Variants in GTF2IRD1 observed in about 807,000 individuals in gnomAD.
The protein encoded by GTF2IRD1 is general transcription factor II-I repeat domain-containing protein 1.
Under a neutral mutation model 113.2 loss-of-function variants are expected in GTF2IRD1, and 26 were observed. The ratio of observed to expected loss-of-function variants is 0.23; its 90% CI spans 0.17 to 0.32. The LOEUF (loss-of-function observed/expected upper bound fraction) is 0.32, where lower values mean the gene tolerates loss of function less well. Among genes scored for constraint, GTF2IRD1 ranks in the 10% least tolerant of loss-of-function variants. The probability of loss-of-function intolerance (pLI) is 1.00; values close to 1 mark genes in which losing one functional copy is unlikely to be tolerated. For missense variants in GTF2IRD1, 864 were observed against 1,280.8 expected, an observed-to-expected ratio of 0.67 and a Z score of 4.97; for synonymous variants, 484 against 529.1, an observed-to-expected ratio of 0.91 and a Z score of 1.17.
At chr7:74,527,442 A>T (rs918088251) in intron 8 of GTF2IRD1, among the ~76,000 whole-genome samples, 1 of 152,248 alleles carries the variant, frequency 6.6e-6, no homozygotes, top group South Asian at 2.1e-4. Flanking sequence ...GTGAGCAATG[A>T]TTATGCCACT....
chr7:74,550,562 G>A (rs1167717992), intron 17 of GTF2IRD1, among the ~76,000 whole-genome samples: 2 of 151,846 alleles, frequency 1.3e-5, no homozygotes, highest in African/African-American at 4.8e-5. Context: ...ACTCTAGCCT[G>A]GGTGACAGAG....
chr7:74,476,229 C>A (rs1451802315), intron 1 of GTF2IRD1, among the ~76,000 whole-genome samples: 3 of 152,090 alleles, frequency 2.0e-5, no homozygotes, highest in Non-Finnish European at 2.9e-5. Context: ...CCCGCCCAAG[C>A]CCCAGAGAAG....
intron 24 of GTF2IRD1, among the ~76,000 whole-genome samples, chr7:74,591,572 G>GT: frequency 6.6e-6 from 1 of 151,912 alleles, no homozygotes; most frequent in East Asian, 1.9e-4. Context: ...TAGAGATGGA[G>GT]TTTCACCATG....
In GTF2IRD1 at chr7:74,471,695, A is replaced by AC. The variant is rs782721752; in HGVS notation, c.-7+17519_-7+17520insC. Among the ~76,000 whole-genome samples the AC allele has an allele frequency of 3.2e-3, 286 of 88,696 alleles. 2 individuals are homozygous for AC. Among genetic ancestry groups the AC allele is most frequent in the Admixed American group, 7.6e-3 (53 of 6,966 alleles). The allele number at this position is 88,696 out of a possible 152,430, so 58.2% of individuals were successfully genotyped here. A position where few individuals can be genotyped will look rare whatever the true frequency, so the allele number is the denominator to read the frequency against. ...TTTAAAAAAAAAAAAAAAAACAAAAAAAAAAACAAAAAAAACGGCCGGGTG... is the reference window on the plus strand; with the variant it reads ...TTTAAAAAAAAAAAAAAAAACAAAAACAAAAAACAAAAAAAACGGCCGGGTG... On this transcript the variant is annotated intron_variant, in intron 1 of 26. Transcript: ENST00000424337.
intron 1 of GTF2IRD1, among the ~76,000 whole-genome samples, chr7:74,488,793 TG>T (rs572224393): frequency 3.3e-5 from 5 of 151,250 alleles, no homozygotes; most frequent in Admixed American, 2.0e-4. Context: ...ACTCTAGTCC[TG>T]GGGGGGTAAA....
At chr7:74,578,016 G>C (rs1299806764) in intron 22 of GTF2IRD1, among the ~76,000 whole-genome samples, 4 of 151,888 alleles carry the variant, frequency 2.6e-5, no homozygotes, top group East Asian at 3.9e-4. Flanking sequence ...GTTACCCAAG[G>C]CTGGTCTCCA....
At chr7:74,580,661 C>T (rs1276726642) in intron 22 of GTF2IRD1, among the ~76,000 whole-genome samples, 1 of 151,884 alleles carries the variant, frequency 6.6e-6, no homozygotes. Context: ...GCCCAGCCAG[C>T]GTTAAAGAGA....
In GTF2IRD1 at chr7:74,590,112, C is replaced by CT. The variant is rs1801966949; in HGVS notation, c.2398+184_2398+185insT. On this transcript the variant is annotated intron_variant, in intron 23 of 26. Transcript: ENST00000424337. ...GATTTTTTTTTTTTAAACAGGGTCT[C>CT]ACTCTGTTGCCCAAGCTGGAGTACA... Among the ~76,000 whole-genome samples, 4 of 152,084 alleles carry CT rather than the reference C, an allele frequency of 2.6e-5. No homozygotes were observed. The South Asian group carries it at 8.3e-4, about 32-fold the overall frequency.
At chr7:74,509,942 T>C (rs1584555831) in intron 2 of GTF2IRD1, among the ~76,000 whole-genome samples, 3 of 152,270 alleles carry the variant, frequency 2.0e-5, no homozygotes, top group Admixed American at 2.0e-4. Context: ...CTCAAAGTGC[T>C]GGGATTACAG....
intron 13 of GTF2IRD1, 35 bp downstream of exon 13, chr7:74,538,795 A>C: frequency 8.7e-7 from 1 of 1,149,606 alleles, no homozygotes; most frequent in Non-Finnish European, 1.3e-6. Context: ...CCCTGCAGAA[A>C]TCAGGGCCGG....
At position 74,545,822 on chromosome 7, in the gene GTF2IRD1, T is replaced by A. The variant is rs782241011; in HGVS notation, c.1732+13T>A. The stretch of plus-strand genomic sequence containing the variant: ...AACACACGATACGGTGAGCAAGAAG[T>A]GGGACAGGGTCTGGGGGCATCCCGG... On this transcript the variant is annotated intron_variant, in intron 16 of 26. Coordinates refer to ENST00000424337, the MANE Select transcript of GTF2IRD1 (RefSeq NM_005685.4). 17 of 1,604,806 alleles carry A rather than the reference T, an allele frequency of 1.1e-5. No homozygotes were observed. In the African/African-American group the frequency reaches 2.3e-4, roughly 21 times the overall value.
chr7:74,538,045 G>A (rs370623742), intron 11 of GTF2IRD1, 91 bp from the exon 12 acceptor site: 33 of 1,295,258 alleles, frequency 2.5e-5, no homozygotes, highest in African/African-American at 8.7e-5. Flanking sequence ...AGTGGCGCCC[G>A]CGGTGGGCCC....
At chr7:74,534,739 A>G (rs58027325) in intron 9 of GTF2IRD1, among the ~76,000 whole-genome samples, 5,506 of 150,038 alleles carry the variant, frequency 0.037, 428 homozygotes, top group East Asian at 0.34. Flanking sequence ...AATTAATTAG[A>G]TTAAAGTACA....
rs536231679 is a variant in GTF2IRD1 at position 74,508,157 on chromosome 7, G to T, written c.77G>T (p.Arg26Leu). The change falls in exon 2 of 27, where the codon CGC (arginine) becomes CTC (leucine). Residue 26 changes from arginine to leucine, a missense_variant. By Grantham distance (102) the Arg-to-Leu change is moderately radical. Coordinates refer to ENST00000424337, the MANE Select transcript of GTF2IRD1 (RefSeq NM_005685.4). ...GACCGCTGGAACTCCGCGTTCACCCGCAAAGACGAGATCATCACCAGCCTC... is the reference window on the plus strand; with the variant it reads ...GACCGCTGGAACTCCGCGTTCACCCTCAAAGACGAGATCATCACCAGCCTC... ...GPDRWNSAFT[R>L]KDEIITSLVS... 1.2e-6 allele frequency: 2 copies of T among 1,612,648 alleles called. No individual in the cohort carries two copies. The highest frequency in any genetic ancestry group is 1.7e-6 in the Non-Finnish European group (2 of 1,179,946).
chr7:74,594,910 C>T lies in GTF2IRD1; in HGVS notation c.2592-104C>T, dbSNP rs587683047. On this transcript the variant is annotated intron_variant, in intron 24 of 26. Transcript: ENST00000424337. ...GAGGCTGCAGTGAGCTGAAATTGCGCCACTGCACTTCAGCCTGGGCAACCG... is the reference window on the plus strand; with the variant it reads ...GAGGCTGCAGTGAGCTGAAATTGCGTCACTGCACTTCAGCCTGGGCAACCG... The T allele has an allele frequency of 4.1e-5, 28 of 684,910 alleles. No homozygotes were observed. In the East Asian group the frequency reaches 8.2e-4, roughly 20 times the overall value. The allele number at this position is 684,910 out of a possible 1,614,324, so 42.4% of individuals were successfully genotyped here.
At chr7:74,470,743 G>A (rs903067480) in intron 1 of GTF2IRD1, among the ~76,000 whole-genome samples, 14 of 152,242 alleles carry the variant, frequency 9.2e-5, no homozygotes, top group Admixed American at 9.2e-4. Context: ...AACCTCACGA[G>A]CATTGTGCTA....
At chr7:74,602,328 T>G (rs778234182) in intron 26 of GTF2IRD1, 37 bp from the exon 27 acceptor site, 54 of 1,603,580 alleles carry the variant, frequency 3.4e-5, no homozygotes, top group African/African-American at 5.4e-5. Context: ...CCGCATCACC[T>G]GGAGTCCTAA....
intron 2 of GTF2IRD1, among the ~76,000 whole-genome samples, chr7:74,510,441 G>A (rs1483686911): frequency 6.6e-6 from 1 of 151,614 alleles, no homozygotes; most frequent in Non-Finnish European, 1.5e-5. Flanking sequence ...GGAGTAGCTG[G>A]GATTACAGGT....
chr7:74,543,872 C>CAAAAAAAAAAAA (rs782039486), intron 14 of GTF2IRD1, among the ~76,000 whole-genome samples: 1 of 34,590 alleles, frequency 2.9e-5, no homozygotes, highest in African/African-American at 9.6e-5. Context: ...CCCATCTCTA[C>CAAAAAAAAAAAA]AAAAAAAAAA....
Sources: gnomAD v4.1 joint callset for allele counts (sites outside exome capture counted in the v4.1 genomes callset) on GRCh38, gnomAD v4.1.1 for gene constraint, MANE v1.5 for transcripts, NCBI Gene and HGNC (gene_info 2026-07-23, HGNC 2026-07-21) for gene names.